The following HSPBAP1 variants were observed in gnomAD, a reference collection of about 807,000 sequenced individuals.
HSPBAP1 encodes HSPB1 associated protein 1.
HSPBAP1 carries 27 observed loss-of-function variants against 45.2 expected under a neutral mutation model. The ratio of observed to expected loss-of-function variants is 0.60; its 90% CI spans 0.44 to 0.82. The LOEUF is 0.82. Ranked by LOEUF, HSPBAP1 falls within the 40% of genes least tolerant of loss-of-function variation. The pLI is 0.00. For synonymous variants in HSPBAP1, 204 were observed against 202.7 expected (o/e 1.01, Z -0.06); for missense variants, 510 against 590.9 (o/e 0.86, Z 1.42).
intron 3 of HSPBAP1, among the ~76,000 whole-genome samples, chr3:122,760,731 T>G (rs1029093032): frequency 6.6e-6 from 1 of 152,164 alleles, no homozygotes; most frequent in Non-Finnish European, 1.5e-5. Context: ...AGCTCCATAC[T>G]GGGAGCTTAC....
chr3:122,774,415 G>A (rs573890810), intron 2 of HSPBAP1, among the ~76,000 whole-genome samples: 117 of 152,300 alleles, frequency 7.7e-4, no homozygotes, highest in African/African-American at 2.7e-3. Flanking sequence ...CACATGCAAA[G>A]GCCCTGAAGT....
At chr3:122,790,634 T>A (rs1242012909) in intron 1 of HSPBAP1, among the ~76,000 whole-genome samples, 2 of 152,218 alleles carry the variant, frequency 1.3e-5, no homozygotes, top group East Asian at 3.8e-4. Context: ...GAAAAAGGTC[T>A]GTTTACCATG....
At chr3:122,787,439 T>G (rs1935691458) in intron 1 of HSPBAP1, among the ~76,000 whole-genome samples, 1 of 152,198 alleles carries the variant, frequency 6.6e-6, no homozygotes, top group Admixed American at 6.5e-5. Context: ...TCCAGGACAC[T>G]CCGAATATTA....
chr3:122,771,600 C>T (rs1396932808), intron 2 of HSPBAP1, among the ~76,000 whole-genome samples: 1 of 152,196 alleles, frequency 6.6e-6, no homozygotes, highest in Non-Finnish European at 1.5e-5. Flanking sequence ...AAACTCTAAA[C>T]AGGTCTTTCG....
intron 1 of HSPBAP1, among the ~76,000 whole-genome samples, chr3:122,788,915 G>GTA (rs1935735638): frequency 6.6e-6 from 1 of 152,084 alleles, no homozygotes; most frequent in South Asian, 2.1e-4. Flanking sequence ...ACTGAAAAAT[G>GTA]GTTAACATGG....
chr3:122,773,166 T>A (rs901614501), intron 2 of HSPBAP1, among the ~76,000 whole-genome samples: 3 of 151,994 alleles, frequency 2.0e-5, no homozygotes, highest in African/African-American at 4.8e-5. Flanking sequence ...CTTCATAATA[T>A]ATATGAAGAA....
chr3:122,780,643 A>G (rs1253544252), intron 1 of HSPBAP1, among the ~76,000 whole-genome samples: 14 of 126,480 alleles, frequency 1.1e-4, no homozygotes, highest in South Asian at 8.4e-4. Context: ...GCGGCTGGCC[A>G]GGCGGGGGGC....
At chr3:122,767,624 T>C (rs1263751184) in intron 3 of HSPBAP1, among the ~76,000 whole-genome samples, 1 of 152,024 alleles carries the variant, frequency 6.6e-6, no homozygotes, top group African/African-American at 2.4e-5. Flanking sequence ...TTTCCTTTTT[T>C]ATAAAATAAA....
chr3:122,763,587 C>T (rs78537825), intron 3 of HSPBAP1, among the ~76,000 whole-genome samples: 4,919 of 152,062 alleles, frequency 0.032, 110 homozygotes, highest in Middle Eastern at 0.078. Context: ...CAAGTATCAT[C>T]TTAGAAGTAT....
chr3:122,786,389 G>A (rs932241856), intron 1 of HSPBAP1: 4 of 152,092 alleles, frequency 2.6e-5, no homozygotes, highest in African/African-American at 9.7e-5. Flanking sequence ...TTGGGGTAGC[G>A]ATTTATTTAT....
intron 6 of HSPBAP1, among the ~76,000 whole-genome samples, chr3:122,747,660 G>A (rs372951823): frequency 3.0e-4 from 37 of 122,790 alleles, no homozygotes; most frequent in Admixed American, 1.1e-3. Flanking sequence ...CCGGCCAGCC[G>A]CCCCGTCCGG....
At chr3:122,778,040 T>C in intron 1 of HSPBAP1, 134 bp from the exon 2 acceptor site, 1 of 644,930 alleles carries the variant, frequency 1.6e-6, no homozygotes, top group South Asian at 2.0e-5. Flanking sequence ...ATACGTCATT[T>C]ACTGCTGTTT....
chr3:122,741,251 A>G, intron 6 of HSPBAP1, 138 bp from the exon 7 acceptor site: 1 of 659,310 alleles, frequency 1.5e-6, no homozygotes, highest in Non-Finnish European at 2.6e-6. Flanking sequence ...TGCTATTGGT[A>G]GAACCACAAT....
intron 1 of HSPBAP1, among the ~76,000 whole-genome samples, chr3:122,782,927 A>T (rs1935536624): frequency 6.6e-6 from 1 of 152,362 alleles, no homozygotes; most frequent in East Asian, 1.9e-4. Context: ...TCAGACAAGG[A>T]CAAAAACTTG....
intron 1 of HSPBAP1, among the ~76,000 whole-genome samples, chr3:122,782,555 T>C (rs917052294): frequency 6.6e-6 from 1 of 152,104 alleles, no homozygotes; most frequent in African/African-American, 2.4e-5. Flanking sequence ...TTCCTATATG[T>C]GCAGTGAATG....
intron 1 of HSPBAP1, among the ~76,000 whole-genome samples, chr3:122,780,790 T>G (rs1466751496): frequency 6.8e-6 from 1 of 148,090 alleles, no homozygotes; most frequent in Non-Finnish European, 1.5e-5. Flanking sequence ...GGCTCCTCAC[T>G]TCTCAGACGG....
At chr3:122,783,634 A>G (rs1363112850) in intron 1 of HSPBAP1, among the ~76,000 whole-genome samples, 1 of 152,226 alleles carries the variant, frequency 6.6e-6, no homozygotes, top group African/African-American at 2.4e-5. Flanking sequence ...ACATCTATAT[A>G]GTAGGTTGGA....
chr3:122,764,797 CGTAA>C (rs1346969077), intron 3 of HSPBAP1, among the ~76,000 whole-genome samples: 2 of 152,138 alleles, frequency 1.3e-5, no homozygotes, highest in Non-Finnish European at 2.9e-5. Flanking sequence ...TTGCAATTAT[CGTAA>C]GTATCATCAT....
Position 122,780,888 on chromosome 3 carries a change from G to A in HSPBAP1, c.65-2982C>T, listed in dbSNP as rs1423604526. 5.9e-5 allele frequency among the ~76,000 whole-genome samples: 6 copies of A among 102,388 alleles called. No homozygotes were observed. In the Middle Eastern group the frequency reaches 0.015, roughly 261 times the overall value. 67.2% of individuals were successfully genotyped at this position (102,388 alleles called of 152,430 possible). On this transcript the variant is annotated intron_variant, in intron 1 of 7. Transcript: ENST00000306103. ...TCACCTCCCAGACGGGGTCGCGGCC[G>A]GGCAGAGGCACTCCTCACATCCCAG...
Sources: gnomAD v4.1 joint callset for allele counts (sites outside exome capture counted in the v4.1 genomes callset) on GRCh38, gnomAD v4.1.1 for gene constraint, MANE v1.5 for transcripts, NCBI Gene and HGNC (gene_info 2026-07-23, HGNC 2026-07-21) for gene names.